RB1: variants seen among roughly 807,000 people sequenced by gnomAD.
RB1 encodes the protein RB transcriptional corepressor 1.
RB1 carries 18 observed loss-of-function variants against 135.4 expected under a neutral mutation model. The ratio of observed to expected loss-of-function variants is 0.13; its 90% CI spans 0.09 to 0.20. The LOEUF (loss-of-function observed/expected upper bound fraction) is 0.20. RB1 is among the 10% of genes least tolerant of loss of function. The pLI is 1.00. For synonymous variants in RB1, 365 were observed against 373.2 expected (o/e 0.98, Z 0.25); for missense variants, 868 against 1,110.0 (o/e 0.78, Z 3.10).
Position 48,473,436 on chromosome 13 carries a change from A to G in RB1, c.2520+46A>G, listed in dbSNP as rs374198075. 4.8e-6 allele frequency: 7 copies of G among 1,460,828 alleles called. No individual in the cohort carries two copies. The South Asian group carries it at 7.0e-5, about 15-fold the overall frequency. 90.5% of individuals were successfully genotyped at this position (1,460,828 alleles called of 1,614,324 possible). On this transcript the variant is annotated intron_variant, in intron 24 of 26. Transcript: ENST00000267163. ...AAATATAATAGTATGCATTGTAAGT[A>G]TAAAAGAAATTAAAGCTTTCTATAA...
chr13:48,365,068 A>ATT (rs560611082), intron 9 of RB1, 97 bp downstream of exon 9: 45 of 1,241,920 alleles, frequency 3.6e-5, no homozygotes, highest in South Asian at 1.2e-4. Context: ...TGTGTATCAC[A>ATT]TTTTTTTTTT....
At chr13:48,378,519 T>C (rs1283728694) in intron 13 of RB1, among the ~76,000 whole-genome samples, 1 of 152,066 alleles carries the variant, frequency 6.6e-6, no homozygotes, top group Non-Finnish European at 1.5e-5. Context: ...ACTCCTATGA[T>C]GATGATGCTA....
chr13:48,373,393 T>C lies in RB1; in HGVS notation c.1128-12T>C. ...ATTGCTTAACACATTTTCCTATTTT[T>C]ATCCCCTCTAGGACTGTTATGAACA... On this transcript the variant is annotated splice_polypyrimidine_tract_variant and intron_variant, in intron 11 of 26. Transcript: ENST00000267163. 1 of 1,514,192 alleles carries C rather than the reference T, an allele frequency of 6.6e-7. No individual in the cohort carries two copies. Among genetic ancestry groups the C allele is most frequent in the Non-Finnish European group, 9.2e-7 (1 of 1,090,928 alleles). 93.8% of individuals were successfully genotyped at this position (1,514,192 alleles called of 1,614,324 possible).
chr13:48,313,817 C>T (rs1207007864), intron 2 of RB1, among the ~76,000 whole-genome samples: 2 of 141,784 alleles, frequency 1.4e-5, no homozygotes, highest in Middle Eastern at 4.0e-3. Flanking sequence ...GGCACAATCT[C>T]GGCTTCCTGC....
intron 17 of RB1, among the ~76,000 whole-genome samples, chr13:48,420,986 A>G (rs891083629): frequency 2.0e-5 from 3 of 152,242 alleles, no homozygotes; most frequent in African/African-American, 4.8e-5. Context: ...ATTCAATGCT[A>G]TCCCTATCGA....
chr13:48,372,144 T>C (rs4151518), intron 11 of RB1, among the ~76,000 whole-genome samples: 1,658 of 152,100 alleles, frequency 0.011, 24 homozygotes, highest in African/African-American at 0.035. Context: ...GAAAGTATGA[T>C]TGGGGAGTGC....
chr13:48,465,617 G>A (rs4151603), intron 23 of RB1, among the ~76,000 whole-genome samples: 80 of 152,054 alleles, frequency 5.3e-4, no homozygotes, highest in Middle Eastern at 3.4e-3. Context: ...CGCAGAAGAC[G>A]GGTGATTTCT....
In RB1 at chr13:48,323,069, T is replaced by C. The variant is rs113032374; in HGVS notation, c.264+15663T>C. On this transcript the variant is annotated intron_variant, in intron 2 of 26. Transcript: ENST00000267163. ...GGAAGTGTTCCCTCCTCTTCTGTTT[T>C]GATGGGGCAGTTTGTGAAGAATAGA... Among the ~76,000 whole-genome samples the C allele has an allele frequency of 4.0e-3, 607 of 152,262 alleles. 3 individuals are homozygous for C. The highest frequency in any genetic ancestry group is 0.02 in the Middle Eastern group (6 of 294).
intron 17 of RB1, among the ~76,000 whole-genome samples, chr13:48,420,857 A>G (rs572012017): frequency 7.5e-4 from 115 of 152,332 alleles, no homozygotes; most frequent in Non-Finnish European, 1.2e-3. Context: ...TTCAAGAACT[A>G]CAAACTTCAC....
At position 48,453,082 on chromosome 13, in the gene RB1, T is replaced by C. The variant is rs1194487890; in HGVS notation, c.1785T>C (p.Pro595=). The change falls in exon 18 of 27, where the codon CCT becomes CCC. Residue 595 remains proline (P), a synonymous_variant. Coordinates refer to ENST00000267163, the MANE Select transcript of RB1 (RefSeq NM_000321.3). ...AATCTGCTTGTCCTCTTAATCTTCC[T>C]CTCCAGAATAATCACACTGCAGCAG... ...HLESACPLNL[P]LQNNHTAADM... 2.5e-6 allele frequency: 4 copies of C among 1,613,016 alleles called. No homozygotes were observed. The Middle Eastern group carries it at 5.0e-4, about 200-fold the overall frequency.
At chr13:48,337,278 G>T (rs566223326) in intron 2 of RB1, among the ~76,000 whole-genome samples, 2 of 152,180 alleles carry the variant, frequency 1.3e-5, no homozygotes, top group Admixed American at 6.5e-5. Flanking sequence ...TGACAGTGGG[G>T]TGTTAAAGTC....
intron 17 of RB1, chr13:48,389,664 A>T (rs1305080922): frequency 1.3e-5 from 2 of 152,172 alleles, no homozygotes; most frequent in African/African-American, 4.8e-5. Flanking sequence ...ACTATGTGTC[A>T]GCAGGTGCCT....
chr13:48,354,722 A>G (rs555931565), intron 6 of RB1, among the ~76,000 whole-genome samples: 2 of 152,282 alleles, frequency 1.3e-5, no homozygotes, highest in East Asian at 3.9e-4. Flanking sequence ...AAAAGCAGAT[A>G]CATAGACCAG....
chr13:48,448,658 G>T (rs7997794), intron 17 of RB1, among the ~76,000 whole-genome samples: 8,572 of 152,216 alleles, frequency 0.056, 798 homozygotes, highest in African/African-American at 0.19. Flanking sequence ...AAGACAGTTT[G>T]TTTCTCCTGA....
chr13:48,318,039 C>G (rs1432147843), intron 2 of RB1: 1 of 522,760 alleles, frequency 1.9e-6, no homozygotes, highest in Non-Finnish European at 3.6e-6. Flanking sequence ...GGGCTGGGAG[C>G]TGGGCCCTGG....
Position 48,380,256 on chromosome 13 carries a change from CATAA to C in RB1, c.1498+21_1498+24del. ...CACATATAGCAGTAAGTTAAATTTT[CATAA>C]ATAAACACTTTTGTTCAATTTAAAG... On this transcript the variant is annotated intron_variant, in intron 16 of 26. Transcript: ENST00000267163. 1 of 1,536,738 alleles carries C rather than the reference CATAA, an allele frequency of 6.5e-7. No homozygotes were observed. Among genetic ancestry groups the C allele is most frequent in the Non-Finnish European group, 9.0e-7 (1 of 1,113,446 alleles).
rs1593434231 is a variant in RB1 at position 48,342,642 on chromosome 13, T to A, written c.308T>A (p.Ile103Asn). ...AAAAAGGAACTGTGGGGAATCTGTA[T>A]CTTTATTGCAGCAGTTGACCTAGAT... ...QKKKELWGICIFIAAVDLDEM... is the reference protein window; with the variant it reads ...QKKKELWGICNFIAAVDLDEM... Residue 103 changes from isoleucine to asparagine, a missense_variant, in exon 3 of 27, where the codon ATC becomes AAC. Ile to Asn is a moderately radical substitution (Grantham distance 149). Transcript: ENST00000267163. 2 of 1,612,774 alleles carry A rather than the reference T, an allele frequency of 1.2e-6. No homozygotes were observed. Among genetic ancestry groups the A allele is most frequent in the Non-Finnish European group, 1.7e-6 (2 of 1,178,970 alleles).
At chr13:48,350,690 A>G (rs1952539917) in intron 6 of RB1, among the ~76,000 whole-genome samples, 1 of 152,174 alleles carries the variant, frequency 6.6e-6, no homozygotes, top group Non-Finnish European at 1.5e-5. Context: ...AATTAAGCCC[A>G]GTATCCAATA....
chr13:48,383,622 A>G (rs775044494), intron 17 of RB1, among the ~76,000 whole-genome samples: 20 of 152,048 alleles, frequency 1.3e-4, no homozygotes, highest in Non-Finnish European at 2.2e-4. Flanking sequence ...TGCCATATAG[A>G]CAGAGTGAAT....
Sources: allele counts gnomAD v4.1 joint callset (sites outside exome capture counted in the v4.1 genomes callset), GRCh38; gene constraint gnomAD v4.1.1; transcripts MANE v1.5; gene names NCBI Gene and HGNC (gene_info 2026-07-23, HGNC 2026-07-21).